SHLD1: variants seen among roughly 807,000 people sequenced by gnomAD.
SHLD1 encodes the protein shieldin complex subunit 1.
Under a neutral mutation model 5.5 loss-of-function variants are expected in SHLD1, and 3 were observed. The observed-to-expected ratio is 0.54, with a 90% CI of 0.25 to 1.40. SHLD1 has a LOEUF of 1.40. Ranked by LOEUF, SHLD1 falls within the 40% of genes most tolerant of loss-of-function variation. The pLI is 0.15. For missense variants in SHLD1, 210 were observed against 244.4 expected, an observed-to-expected ratio of 0.86 and a Z score of 0.94; for synonymous variants, 92 against 94.3, an observed-to-expected ratio of 0.98 and a Z score of 0.14.
chr20:5,752,615 G>T (rs1247462044), intron 1 of SHLD1, among the ~76,000 whole-genome samples: 46 of 120,614 alleles, frequency 3.8e-4, no homozygotes, highest in Admixed American at 1.7e-3. Flanking sequence ...ATATTTTGGG[G>T]TTTTTTTTTT....
intron 2 of SHLD1, among the ~76,000 whole-genome samples, chr20:5,802,166 G>T (rs2087302925): frequency 6.6e-6 from 1 of 152,202 alleles, no homozygotes; most frequent in African/African-American, 2.4e-5. Context: ...CAAAGAAAAA[G>T]CATGTCCAGA....
intron 2 of SHLD1, among the ~76,000 whole-genome samples, chr20:5,820,140 G>A (rs1323394741): frequency 6.6e-6 from 1 of 151,928 alleles, no homozygotes; most frequent in East Asian, 1.9e-4. Flanking sequence ...TAGAGACAAG[G>A]TTTCACCATG....
chr20:5,752,967 T>C (rs980689830), intron 1 of SHLD1, among the ~76,000 whole-genome samples: 4 of 152,174 alleles, frequency 2.6e-5, no homozygotes, highest in African/African-American at 9.7e-5. Context: ...GCTAATTTTT[T>C]GTATTTTCAG....
intron 1 of SHLD1, among the ~76,000 whole-genome samples, chr20:5,768,766 A>C (rs1984984434): frequency 6.6e-6 from 1 of 152,112 alleles, no homozygotes; most frequent in African/African-American, 2.4e-5. Context: ...AATGTTTTAG[A>C]ACCTTTTTAC....
chr20:5,808,204 TG>T (rs2087408445), intron 2 of SHLD1, among the ~76,000 whole-genome samples: 2 of 151,924 alleles, frequency 1.3e-5, no homozygotes, highest in Non-Finnish European at 2.9e-5. Flanking sequence ...CCCTTGAACC[TG>T]GGACACAGAG....
At position 5,806,011 on chromosome 20, in the gene SHLD1, A is replaced by G. The variant is rs1473979075; in HGVS notation, c.178+32968A>G. Among the ~76,000 whole-genome samples, 1 of 152,052 alleles carries G rather than the reference A, an allele frequency of 6.6e-6. No homozygotes were observed. The highest frequency in any genetic ancestry group is 2.4e-5 in the African/African-American group (1 of 41,410). The stretch of plus-strand genomic sequence containing the variant: ...GGGGTTTGAAGGGCATTATCGCTTT[A>G]AACATGTTTTTTGATTTAAATTTTT... On this transcript the variant is annotated intron_variant, in intron 2 of 2. Transcript: ENST00000303142. This position sits in a 1 kb window ranked among gnomAD's most constrained non-coding sequence, Gnocchi z 7.6.
chr20:5,757,297 G>A (rs758782471), intron 1 of SHLD1, among the ~76,000 whole-genome samples: 5 of 151,822 alleles, frequency 3.3e-5, no homozygotes, highest in Non-Finnish European at 7.4e-5. Context: ...GGCTGGTCTC[G>A]AATTCCTGGC....
chr20:5,791,843 C>T (rs2087146028), intron 2 of SHLD1, among the ~76,000 whole-genome samples: 1 of 152,122 alleles, frequency 6.6e-6, no homozygotes, highest in African/African-American at 2.4e-5. Flanking sequence ...TCAGTTTCTC[C>T]ACATCCTTGC....
At chr20:5,755,563 T>C (rs1730656150) in intron 1 of SHLD1, among the ~76,000 whole-genome samples, 1 of 151,282 alleles carries the variant, frequency 6.6e-6, no homozygotes, top group Admixed American at 6.6e-5. Flanking sequence ...CTTTTTCTTT[T>C]TCTTTTTTTT....
intron 2 of SHLD1, among the ~76,000 whole-genome samples, chr20:5,831,283 T>C (rs978078000): frequency 2.0e-5 from 3 of 152,228 alleles, no homozygotes; most frequent in Non-Finnish European, 4.4e-5. Flanking sequence ...CATAAGCATT[T>C]ATCCAACTCC....
At chr20:5,760,869 G>T (rs1319435480) in intron 1 of SHLD1, among the ~76,000 whole-genome samples, 1 of 151,978 alleles carries the variant, frequency 6.6e-6, no homozygotes, top group East Asian at 1.9e-4. Flanking sequence ...CCTGTTTCAG[G>T]TTGACACTTG....
chr20:5,811,913 G>A (rs1318463695), intron 2 of SHLD1, among the ~76,000 whole-genome samples: 6 of 151,484 alleles, frequency 4.0e-5, no homozygotes, highest in Non-Finnish European at 8.8e-5. Context: ...CACCACTGCC[G>A]GCTGTATAAC....
chr20:5,795,823 T>C (rs1261652174), intron 2 of SHLD1, among the ~76,000 whole-genome samples: 1 of 148,152 alleles, frequency 6.7e-6, no homozygotes, highest in Non-Finnish European at 1.5e-5. Context: ...CTACTAAAAA[T>C]ACAAAAAAAA....
intron 2 of SHLD1, among the ~76,000 whole-genome samples, chr20:5,785,215 C>A (rs758109444): frequency 4.9e-4 from 75 of 152,150 alleles, no homozygotes; most frequent in Non-Finnish European, 1.0e-3. Flanking sequence ...AAGGGAAGAC[C>A]AAAAGATGGC....
At chr20:5,784,642 G>T (rs1167016628) in intron 2 of SHLD1, among the ~76,000 whole-genome samples, 2 of 151,922 alleles carry the variant, frequency 1.3e-5, no homozygotes, top group Admixed American at 1.3e-4. Flanking sequence ...AGTAGAGACG[G>T]GGTTTCACCG....
At chr20:5,775,923 A>ATGTTTTTTTTTTT (rs1985401809) in intron 2 of SHLD1, among the ~76,000 whole-genome samples, 2 of 77,678 alleles carry the variant, frequency 2.6e-5, no homozygotes, top group African/African-American at 6.0e-5. Context: ...TCAGCTCAGG[A>ATGTTTTTTTTTTT]TTTTTTTTTT....
chr20:5,778,086 T>C (rs1430399768), intron 2 of SHLD1, among the ~76,000 whole-genome samples: 2 of 150,428 alleles, frequency 1.3e-5, no homozygotes, highest in Admixed American at 1.3e-4. Context: ...TGGTATATTA[T>C]GAGGCTGAGG....
At position 5,806,957 on chromosome 20, in the gene SHLD1, T is replaced by G. The variant is rs2087386266; in HGVS notation, c.178+33914T>G. 6.6e-6 allele frequency among the ~76,000 whole-genome samples: 1 copy of G among 152,228 alleles called. No homozygotes were observed. The highest frequency in any genetic ancestry group is 2.4e-5 in the African/African-American group (1 of 41,466). On this transcript the variant is annotated intron_variant, in intron 2 of 2. Transcript: ENST00000303142. This position sits in a 1 kb window ranked among gnomAD's most constrained non-coding sequence, Gnocchi z 7.6. Reference sequence around the variant, plus strand: ...GGTCGTGTAACCTGTACCTGCAATCTTGGCCTTGAATTCTCATTTTATTCC... The same window carrying G: ...GGTCGTGTAACCTGTACCTGCAATCGTGGCCTTGAATTCTCATTTTATTCC...
At chr20:5,792,391 G>C (rs1014929246) in intron 2 of SHLD1, among the ~76,000 whole-genome samples, 13 of 151,924 alleles carry the variant, frequency 8.6e-5, no homozygotes, top group African/African-American at 2.9e-4. Flanking sequence ...AAGGTTTTGA[G>C]TTTGTTCTTT....
Sources: allele counts gnomAD v4.1 joint callset (sites outside exome capture counted in the v4.1 genomes callset), GRCh38; gene constraint gnomAD v4.1.1; non-coding constraint Gnocchi (gnomAD v3.1); transcripts MANE v1.5; gene names NCBI Gene and HGNC (gene_info 2026-07-23, HGNC 2026-07-21).